Variants in BCL2L13 observed in about 807,000 individuals in gnomAD.
BCL2L13 encodes BCL2 like 13.
BCL2L13 carries 13 observed loss-of-function variants against 25.8 expected under a neutral mutation model. The observed-to-expected ratio is 0.50, with a 90% confidence interval of 0.33 to 0.80. The LOEUF is 0.80. BCL2L13 is among the 30% of genes least tolerant of loss of function. BCL2L13 has a pLI of 0.02. For synonymous variants in BCL2L13, 244 were observed against 230.3 expected (o/e 1.06, Z -0.54); for missense variants, 504 against 574.9 (o/e 0.88, Z 1.26).
chr22:17,656,587 A>T (rs559235269), intron 2 of BCL2L13, among the ~76,000 whole-genome samples: 3 of 151,686 alleles, frequency 2.0e-5, no homozygotes, highest in Non-Finnish European at 4.4e-5. Context: ...ACCTCAGGTG[A>T]TCGCCCGCCT....
intron 2 of BCL2L13, among the ~76,000 whole-genome samples, chr22:17,668,321 C>T (rs917026759): frequency 6.6e-6 from 1 of 151,056 alleles, no homozygotes; most frequent in Non-Finnish European, 1.5e-5. Context: ...CCTGTCTTAA[C>T]GTTTTTTTAT....
intron 1 of BCL2L13, among the ~76,000 whole-genome samples, chr22:17,644,642 C>T (rs575042530): frequency 2.6e-5 from 4 of 151,046 alleles, no homozygotes; most frequent in African/African-American, 9.8e-5. Context: ...ATTTAATAAT[C>T]TTATAATATT....
chr22:17,721,325 A>G (rs34226217), intron 6 of BCL2L13, among the ~76,000 whole-genome samples: 21,194 of 152,178 alleles, frequency 0.14, 2,031 homozygotes, highest in Non-Finnish European at 0.21. Flanking sequence ...CCCAGGAAGT[A>G]GCAGAGCCCT....
Position 17,720,635 on chromosome 22 carries a change from G to T in BCL2L13, c.601-6042G>T, listed in dbSNP as rs891506963. Among the ~76,000 whole-genome samples, 11 of 150,980 alleles carry T rather than the reference G, an allele frequency of 7.3e-5. No homozygotes were observed. The South Asian group carries it at 2.1e-3, about 29-fold the overall frequency. On this transcript the variant is annotated intron_variant, in intron 6 of 6. Coordinates refer to ENST00000317582, the MANE Select transcript of BCL2L13 (RefSeq NM_015367.4). ...CTGCCTCCGCCTCCCAAAGTGCTGG[G>T]ATTACAGGCGTGAGCCACCGTGCCC...
chr22:17,646,895 TG>T (rs2058496222), intron 1 of BCL2L13, among the ~76,000 whole-genome samples: 5 of 15,806 alleles, frequency 3.2e-4, no homozygotes, highest in African/African-American at 1.2e-3. Context: ...AATTTGTGTG[TG>T]TGTGTGTGTG....
intron 1 of BCL2L13, among the ~76,000 whole-genome samples, chr22:17,654,306 G>A (rs934320816): frequency 2.6e-5 from 4 of 151,818 alleles, no homozygotes; most frequent in Non-Finnish European, 4.4e-5. Context: ...GTTTTACCAT[G>A]TTACCATGTT....
chr22:17,720,690 C>T lies in BCL2L13; in HGVS notation c.601-5987C>T, dbSNP rs544188190. ...TTAATTTTTTTTTTTTTTTTAGAGG[C>T]GGGATCTCACTGTGTTGCCCAGGTT... On this transcript the variant is annotated intron_variant, in intron 6 of 6. Transcript: ENST00000317582. 3.2e-3 allele frequency among the ~76,000 whole-genome samples: 459 copies of T among 145,668 alleles called. 4 individuals carry two copies. Among genetic ancestry groups the T allele is most frequent in the African/African-American group, 0.011 (421 of 39,478 alleles).
intron 1 of BCL2L13, among the ~76,000 whole-genome samples, chr22:17,632,752 C>CTT (rs67358246): frequency 2.7e-4 from 33 of 124,350 alleles, no homozygotes; most frequent in African/African-American, 3.3e-4. Context: ...GATTCTTCTT[C>CTT]TTTTTTTTTT....
chr22:17,710,836 C>T (rs2060735169), intron 6 of BCL2L13, among the ~76,000 whole-genome samples: 1 of 151,516 alleles, frequency 6.6e-6, no homozygotes, highest in African/African-American at 2.4e-5. Flanking sequence ...AAGATCGAGC[C>T]ACTGCACTCT....
rs1262348233 is a variant in BCL2L13 at position 17,730,190 on chromosome 22, A to C, written c.*2656A>C. ...ACGCCAATTTATCCTCTCTGTATTA[A>C]AGTGATAATTCTGGGCCCACAGAAA... On this transcript the variant is annotated 3_prime_UTR_variant, in exon 7 of 7. Coordinates refer to ENST00000317582, the MANE Select transcript of BCL2L13 (RefSeq NM_015367.4). 2 of 152,178 alleles carry C rather than the reference A, an allele frequency of 1.3e-5. No individual in the cohort carries two copies. Among genetic ancestry groups the C allele is most frequent in the East Asian group, 1.9e-4 (1 of 5,196 alleles). 9.4% of individuals were successfully genotyped at this position (152,178 alleles called of 1,614,324 possible). A position where few individuals can be genotyped will look rare whatever the true frequency, so the allele number is the denominator to read the frequency against.
intron 1 of BCL2L13, among the ~76,000 whole-genome samples, chr22:17,652,733 C>T (rs552168760): frequency 1.3e-5 from 2 of 152,090 alleles, no homozygotes; most frequent in Admixed American, 6.6e-5. Context: ...CCATCGTGCC[C>T]GGCCATCAGA....
At position 17,730,437 on chromosome 22, in the gene BCL2L13, G is replaced by C. The variant is rs2061380631; in HGVS notation, c.*2903G>C. On this transcript the variant is annotated 3_prime_UTR_variant, in exon 7 of 7. Transcript: ENST00000317582. The stretch of plus-strand genomic sequence containing the variant: ...CCTGGGGGAGTGAGCCGTGAACCTG[G>C]AGACATGGCTTTGACCCACAGCTAC... 1 of 152,152 alleles carries C rather than the reference G, an allele frequency of 6.6e-6. No individual in the cohort carries two copies. Among genetic ancestry groups the C allele is most frequent in the Non-Finnish European group, 1.5e-5 (1 of 68,014 alleles). The allele number at this position is 152,152 out of a possible 1,614,324, so 9.4% of individuals were successfully genotyped here. A position where few individuals can be genotyped will look rare whatever the true frequency, so the allele number is the denominator to read the frequency against.
intron 5 of BCL2L13, among the ~76,000 whole-genome samples, chr22:17,696,548 T>G (rs1426088310): frequency 2.0e-5 from 3 of 152,178 alleles, no homozygotes; most frequent in Admixed American, 6.6e-5. Context: ...ATACAGACTT[T>G]ACTTGGGAGG....
intron 2 of BCL2L13, among the ~76,000 whole-genome samples, chr22:17,681,459 A>G (rs1015812922): frequency 1.1e-4 from 16 of 151,714 alleles, no homozygotes; most frequent in Admixed American, 7.9e-4. Context: ...AGCTTGCGCC[A>G]CTGTACTCCA....
At chr22:17,645,185 T>G (rs2058429821) in intron 1 of BCL2L13, among the ~76,000 whole-genome samples, 2 of 150,598 alleles carry the variant, frequency 1.3e-5, no homozygotes, top group Non-Finnish European at 2.9e-5. Context: ...AAGACTGTCA[T>G]GTTGCTGCAT....
chr22:17,657,423 C>T (rs150958461), intron 2 of BCL2L13, among the ~76,000 whole-genome samples: 7 of 152,300 alleles, frequency 4.6e-5, no homozygotes, highest in East Asian at 1.9e-4. Flanking sequence ...TTATAGAAGA[C>T]GTACATGATC....
chr22:17,691,612 C>T lies in BCL2L13; in HGVS notation c.386+2470C>T, dbSNP rs539939539. Among the ~76,000 whole-genome samples the T allele has an allele frequency of 3.0e-3, 459 of 152,138 alleles. 5 individuals carry two copies. Among genetic ancestry groups the T allele is most frequent in the African/African-American group, 0.01 (424 of 41,528 alleles). ...AGTGAGCCGAGATTGCACCACTGCA[C>T]TCCAGCCTGGGTGACAGAGCAAGAC... On this transcript the variant is annotated intron_variant, in intron 4 of 6. Transcript: ENST00000317582.
intron 4 of BCL2L13, 73 bp from the exon 5 acceptor site, chr22:17,696,068 C>A: frequency 1.9e-6 from 2 of 1,061,182 alleles, no homozygotes; most frequent in Non-Finnish European, 2.9e-6. Flanking sequence ...AGAGTAGTGA[C>A]TGTATATGTA....
At chr22:17,662,894 C>T (rs909948775) in intron 2 of BCL2L13, among the ~76,000 whole-genome samples, 2 of 152,064 alleles carry the variant, frequency 1.3e-5, no homozygotes, top group African/African-American at 4.8e-5. Flanking sequence ...TGTTTTTTGA[C>T]ACAGAGTCTC....
Sources: gnomAD v4.1 joint callset for allele counts (sites outside exome capture counted in the v4.1 genomes callset) on GRCh38, gnomAD v4.1.1 for gene constraint, MANE v1.5 for transcripts, NCBI Gene and HGNC (gene_info 2026-07-23, HGNC 2026-07-21) for gene names.